The following KLF17 variants were observed in gnomAD, a reference collection of about 807,000 sequenced individuals.
The protein encoded by KLF17 is Krueppel-like factor 17.
In KLF17, 31 loss-of-function variants were observed where a neutral mutation model predicts 34.2. The ratio of observed to expected loss-of-function variants is 0.91; its 90% confidence interval spans 0.68 to 1.22. The LOEUF (loss-of-function observed/expected upper bound fraction) is 1.22, where lower values mean the gene tolerates loss of function less well. Ranked by LOEUF, KLF17 falls within the 50% of genes most tolerant of loss-of-function variation. KLF17 has a pLI of 0.00. For synonymous variants in KLF17, 179 were observed against 186.7 expected, an observed-to-expected ratio of 0.96 and a Z score of 0.34; for missense variants, 478 against 505.2, an observed-to-expected ratio of 0.95 and a Z score of 0.52.
the KLF17 span, among the ~76,000 whole-genome samples, chr1:44,045,722 A>C: frequency 6.6e-6 from 1 of 152,230 alleles, no homozygotes; most frequent in South Asian, 2.1e-4. Flanking sequence ...CTTACCCACA[A>C]CACTATTTCA....
the KLF17 span, among the ~76,000 whole-genome samples, chr1:44,084,170 C>T: frequency 6.6e-6 from 1 of 152,210 alleles, no homozygotes; most frequent in East Asian, 1.9e-4. Context: ...ATAGGCAAGA[C>T]ATCTGGCCAT....
At chr1:44,110,959 A>G in the KLF17 span, among the ~76,000 whole-genome samples, 1 of 151,968 alleles carries the variant, frequency 6.6e-6, no homozygotes, top group African/African-American at 2.4e-5. Flanking sequence ...CCCATCTTAA[A>G]AAAAAATAAT....
chr1:44,068,427 G>T, the KLF17 span, among the ~76,000 whole-genome samples: 3 of 152,208 alleles, frequency 2.0e-5, no homozygotes, highest in East Asian at 5.8e-4. Flanking sequence ...CAGGAGTGGG[G>T]TGAGCAGGAG....
At chr1:44,089,040 C>A in the KLF17 span, among the ~76,000 whole-genome samples, 1 of 152,118 alleles carries the variant, frequency 6.6e-6, no homozygotes, top group Non-Finnish European at 1.5e-5. Context: ...GGAATTATCA[C>A]ATGAATGGTG....
At chr1:44,052,460 A>AGGGCCCCTGAGGTCTCCCCTT in the KLF17 span, among the ~76,000 whole-genome samples, 8 of 152,276 alleles carry the variant, frequency 5.3e-5, no homozygotes, top group South Asian at 6.2e-4. Context: ...TCTGGCAGTG[A>AGGGCCCCTGAGGTCTCCCCTT]GGGCCCCTGA....
At chr1:44,125,571 A>C (rs1458455351) in intron 1 of KLF17, among the ~76,000 whole-genome samples, 1 of 152,096 alleles carries the variant, frequency 6.6e-6, no homozygotes, top group Admixed American at 6.6e-5. Flanking sequence ...GGATTCAAGC[A>C]ATTCTCGTGC....
chr1:44,106,120 G>A, the KLF17 span, among the ~76,000 whole-genome samples: 1 of 152,080 alleles, frequency 6.6e-6, no homozygotes, highest in Admixed American at 6.5e-5. Flanking sequence ...CCTCATCACA[G>A]GAAGTACACT....
chr1:44,044,320 C>A, the KLF17 span, among the ~76,000 whole-genome samples: 1 of 152,320 alleles, frequency 6.6e-6, no homozygotes, highest in East Asian at 1.9e-4. Flanking sequence ...TTCGATAACA[C>A]AGGGTCCAGG....
the KLF17 span, among the ~76,000 whole-genome samples, chr1:44,099,907 A>G: frequency 2.9e-5 from 2 of 69,524 alleles, no homozygotes; most frequent in Non-Finnish European, 6.6e-5. Context: ...GAAAGAAAGA[A>G]AGAAAGAAAG....
chr1:44,099,869 GA>G, the KLF17 span, among the ~76,000 whole-genome samples: 6 of 51,458 alleles, frequency 1.2e-4, no homozygotes, highest in African/African-American at 3.6e-4. Flanking sequence ...AAGAAAGAAA[GA>G]AAGAAAGAAA....
At chr1:44,084,928 G>A in the KLF17 span, among the ~76,000 whole-genome samples, 70,689 of 120,536 alleles carry the variant, frequency 0.59, 17,076 homozygotes, top group South Asian at 0.64. Context: ...ATAAAAATTA[G>A]AAAAAAAAAA....
Position 44,134,518 on chromosome 1 carries a change from C to T in KLF17, c.*1281C>T, listed in dbSNP as rs1303659695. 3.5e-5 allele frequency: 3 copies of T among 85,256 alleles called. No individual in the cohort carries two copies. The highest frequency in any genetic ancestry group is 3.4e-4 in the Admixed American group (3 of 8,716). 5.3% of individuals were successfully genotyped at this position (85,256 alleles called of 1,614,324 possible). On this transcript the variant is annotated 3_prime_UTR_variant, in exon 4 of 4. Transcript: ENST00000372299. ...CTCCAGCCTGGGCGACTGAGCGAGA[C>T]TCTATCTCAAAACAATCAAAACAAA...
At chr1:44,099,764 G>A in the KLF17 span, among the ~76,000 whole-genome samples, 12 of 150,962 alleles carry the variant, frequency 7.9e-5, no homozygotes, top group Admixed American at 7.3e-4. Flanking sequence ...TGGTTGAGCC[G>A]AGATTGCACC....
At chr1:44,111,905 C>T in the KLF17 span, among the ~76,000 whole-genome samples, 1 of 152,090 alleles carries the variant, frequency 6.6e-6, no homozygotes, top group African/African-American at 2.4e-5. Context: ...CAAAACAAAA[C>T]AAAAACTAAG....
chr1:44,122,488 T>C (rs1342280614), intron 1 of KLF17: 1 of 1,077,582 alleles, frequency 9.3e-7, no homozygotes, highest in East Asian at 2.4e-5. Context: ...TGACTCAATT[T>C]CATCAAAAAT....
chr1:44,071,426 G>T, the KLF17 span, among the ~76,000 whole-genome samples: 1 of 152,022 alleles, frequency 6.6e-6, no homozygotes, highest in Admixed American at 6.6e-5. Flanking sequence ...ACTCTTTCAG[G>T]TACTTAAATT....
rs745949047 is a variant in KLF17 at position 44,129,505 on chromosome 1, G to A, written c.234G>A (p.Pro78=). 2.4e-5 allele frequency: 39 copies of A among 1,612,568 alleles called. No homozygotes were observed. The highest frequency in any genetic ancestry group is 1.6e-4 in the Middle Eastern group (1 of 6,078). The change falls in exon 2 of 4, where the codon CCG becomes CCA. Residue 78 remains proline, a synonymous_variant. Transcript: ENST00000372299. ...CCCCTTTGGTGTCTGTTGAGGCGCC[G>A]GGGCAGAATGTGAATGAAGGGGGGC... ...LGSPLVSVEA[P]GQNVNEGGPQ... is the part of the protein sequence containing the mutation.
the KLF17 span, among the ~76,000 whole-genome samples, chr1:44,068,264 T>C: frequency 6.6e-6 from 1 of 152,292 alleles, no homozygotes; most frequent in East Asian, 1.9e-4. Flanking sequence ...CCTCAAGTGA[T>C]ATGCCCACCT....
At chr1:44,103,318 G>A in the KLF17 span, 2 of 731,756 alleles carry the variant, frequency 2.7e-6, no homozygotes, top group East Asian at 2.5e-5. Flanking sequence ...ACTTGGGCAG[G>A]ACGTCAAAGG....
Sources: allele counts gnomAD v4.1 joint callset (sites outside exome capture counted in the v4.1 genomes callset), GRCh38; gene constraint gnomAD v4.1.1; transcripts MANE v1.5; gene names NCBI Gene and HGNC (gene_info 2026-07-23, HGNC 2026-07-21).